ZFAT: variants seen among roughly 807,000 people sequenced by gnomAD.
The protein encoded by ZFAT is zinc finger and AT-hook domain containing, also known as zinc finger protein ZFAT.
In ZFAT, 64 loss-of-function variants were observed where a neutral mutation model predicts 117.7. The observed-to-expected ratio is 0.54, with a 90% CI of 0.44 to 0.67. The LOEUF (loss-of-function observed/expected upper bound fraction) is 0.67, where lower values mean the gene tolerates loss of function less well. Ranked by LOEUF, ZFAT falls within the 30% of genes least tolerant of loss-of-function variation. The pLI, the probability that ZFAT is intolerant of heterozygous loss-of-function variation, is 0.00. For missense variants in ZFAT, 1,433 were observed against 1,584.5 expected (o/e 0.90, Z 1.62); for synonymous variants, 679 against 615.0 (o/e 1.10, Z -1.54).
chr8:134,770,016 C>T, the ZFAT span, among the ~76,000 whole-genome samples: 26 of 152,210 alleles, frequency 1.7e-4, no homozygotes, highest in Admixed American at 9.2e-4. Context: ...GTCTGGCCCA[C>T]GAAACCACTT....
At chr8:134,507,405 C>A (rs1819495331) in intron 15 of ZFAT, among the ~76,000 whole-genome samples, 2 of 152,222 alleles carry the variant, frequency 1.3e-5, no homozygotes, top group South Asian at 4.2e-4. Context: ...TCAACAGCCA[C>A]CGTGAGCGAG....
In ZFAT at chr8:134,641,621, G is replaced by C. The variant is rs188941200; in HGVS notation, c.197-3909C>G. 2.0e-5 allele frequency among the ~76,000 whole-genome samples: 3 copies of C among 152,298 alleles called. No individual in the cohort carries two copies. The East Asian group carries it at 5.8e-4, about 29-fold the overall frequency. On this transcript the variant is annotated intron_variant, in intron 2 of 15. Transcript: ENST00000377838. The stretch of plus-strand genomic sequence containing the variant: ...CCCCACCTTTTATGACAAACCCTGA[G>C]GTCTGAGCTGGCCTTTTAATTCCTG...
chr8:134,559,758 AT>A (rs1476288812), intron 11 of ZFAT, among the ~76,000 whole-genome samples: 2 of 151,346 alleles, frequency 1.3e-5, no homozygotes, highest in African/African-American at 2.4e-5. Context: ...TAGTTTTACT[AT>A]TTTTTTTTAA....
At chr8:134,677,897 G>A (rs879553612) in intron 1 of ZFAT, among the ~76,000 whole-genome samples, 3 of 152,100 alleles carry the variant, frequency 2.0e-5, no homozygotes, top group Admixed American at 2.0e-4. Context: ...AAATTCAACA[G>A]CCCTTCATGC....
At chr8:134,631,321 A>T (rs1167682035) in intron 3 of ZFAT, among the ~76,000 whole-genome samples, 1 of 152,228 alleles carries the variant, frequency 6.6e-6, no homozygotes. Context: ...TTAGACAAAA[A>T]TATGACAGAG....
chr8:134,532,396 T>C (rs904819924), intron 12 of ZFAT, among the ~76,000 whole-genome samples: 2 of 152,224 alleles, frequency 1.3e-5, no homozygotes, highest in African/African-American at 4.8e-5. Flanking sequence ...AGTGTTTCCA[T>C]TTAACATTGA....
intron 1 of ZFAT, among the ~76,000 whole-genome samples, chr8:134,699,865 G>A (rs1833964610): frequency 6.6e-6 from 1 of 152,228 alleles, no homozygotes; most frequent in South Asian, 2.1e-4. Context: ...ATGCTGTCGG[G>A]ATGGACAAGG....
intron 2 of ZFAT, among the ~76,000 whole-genome samples, chr8:134,641,446 C>A (rs995037438): frequency 1.3e-5 from 2 of 152,202 alleles, no homozygotes; most frequent in South Asian, 4.1e-4. Flanking sequence ...CATGTCCGGT[C>A]CAGTTAAGAC....
At chr8:134,693,142 T>C (rs1317217537) in intron 1 of ZFAT, among the ~76,000 whole-genome samples, 2 of 152,198 alleles carry the variant, frequency 1.3e-5, no homozygotes, top group Non-Finnish European at 2.9e-5. Context: ...GACACCCAGC[T>C]CACCTAGTTC....
the ZFAT span, among the ~76,000 whole-genome samples, chr8:134,732,490 G>A: frequency 6.6e-5 from 10 of 152,126 alleles, no homozygotes; most frequent in East Asian, 1.9e-4. Flanking sequence ...CCTCCTGTCC[G>A]ACTCTACTTC....
the ZFAT span, among the ~76,000 whole-genome samples, chr8:134,735,733 C>T: frequency 6.6e-6 from 1 of 152,090 alleles, no homozygotes; most frequent in African/African-American, 2.4e-5. Flanking sequence ...CATGAGGCCT[C>T]TAATAGAGAT....
At chr8:134,724,080 T>TGGTG in the ZFAT span, 4 of 152,384 alleles carry the variant, frequency 2.6e-5, no homozygotes, top group African/African-American at 9.7e-5. Flanking sequence ...GGGTGGCATT[T>TGGTG]GGTGGGCATC....
chr8:134,815,574 T>C, the ZFAT span, among the ~76,000 whole-genome samples: 2 of 152,224 alleles, frequency 1.3e-5, no homozygotes, highest in Non-Finnish European at 2.9e-5. Flanking sequence ...TTCTTCTTAT[T>C]GTGGCTTGTA....
At chr8:134,698,577 C>T (rs183118107) in intron 1 of ZFAT, among the ~76,000 whole-genome samples, 83 of 152,290 alleles carry the variant, frequency 5.5e-4, no homozygotes, top group African/African-American at 1.5e-3. Flanking sequence ...CCACACAAAT[C>T]GCTCATGCCC....
At chr8:134,600,749 T>C (rs1827362116) in intron 6 of ZFAT, 81 bp from the exon 7 acceptor site, 2 of 1,093,468 alleles carry the variant, frequency 1.8e-6, no homozygotes, top group Non-Finnish European at 2.5e-6. Context: ...TTATTTTTTA[T>C]CTACAATATC....
chr8:134,650,136 T>C (rs893022875), intron 2 of ZFAT, among the ~76,000 whole-genome samples: 1 of 151,426 alleles, frequency 6.6e-6, no homozygotes, highest in Non-Finnish European at 1.5e-5. Context: ...TCTTTTTTTT[T>C]TTTTGAGACA....
the ZFAT span, among the ~76,000 whole-genome samples, chr8:134,728,808 T>A: frequency 6.7e-4 from 102 of 152,382 alleles, no homozygotes; most frequent in African/African-American, 2.4e-3. Flanking sequence ...TAAGAATGTT[T>A]ATGCTAAAAC....
chr8:134,549,107 T>C (rs902629140), intron 11 of ZFAT, among the ~76,000 whole-genome samples: 5 of 152,190 alleles, frequency 3.3e-5, no homozygotes, highest in Non-Finnish European at 5.9e-5. Flanking sequence ...CAGAATGTTC[T>C]GGATGATGAC....
At chr8:134,642,329 C>T (rs1830632686) in intron 2 of ZFAT, among the ~76,000 whole-genome samples, 1 of 152,174 alleles carries the variant, frequency 6.6e-6, no homozygotes, top group Non-Finnish European at 1.5e-5. Flanking sequence ...GCTGGACCGA[C>T]CTGGGTTCAA....
Sources: gnomAD v4.1 joint callset for allele counts (sites outside exome capture counted in the v4.1 genomes callset) on GRCh38, gnomAD v4.1.1 for gene constraint, MANE v1.5 for transcripts, NCBI Gene and HGNC (gene_info 2026-07-23, HGNC 2026-07-21) for gene names.